CGN: variants seen among roughly 807,000 people sequenced by gnomAD.
The protein encoded by CGN is cingulin.
In CGN, 121 loss-of-function variants were observed where a neutral mutation model predicts 157.1. That is an observed-to-expected ratio of 0.77 (90% CI 0.66 to 0.90). The LOEUF (loss-of-function observed/expected upper bound fraction) is 0.90, where lower values mean the gene tolerates loss of function less well. Among genes scored for constraint, CGN ranks in the 40% least tolerant of loss-of-function variants. The pLI is 0.00. For synonymous variants in CGN, 535 were observed against 607.5 expected, an observed-to-expected ratio of 0.88 and a Z score of 1.76; for missense variants, 1,424 against 1,520.9, an observed-to-expected ratio of 0.94 and a Z score of 1.06.
chr1:151,531,775 C>T (rs924305177), intron 13 of CGN, among the ~76,000 whole-genome samples: 6 of 152,188 alleles, frequency 3.9e-5, no homozygotes, highest in African/African-American at 4.8e-5. Context: ...AGAGCAAACA[C>T]GTAATATGTT....
chr1:151,527,818 C>CACAT, intron 10 of CGN: 1 of 221,108 alleles, frequency 4.5e-6, no homozygotes, highest in Non-Finnish European at 8.9e-6. Flanking sequence ...TACACACACA[C>CACAT]ACACACACAC....
upstream of CGN, chr1:151,511,325 T>A (rs1379607927): frequency 6.5e-6 from 1 of 153,240 alleles, no homozygotes; most frequent in Non-Finnish European, 1.5e-5. The surrounding 1 kb of genome is among the most constrained non-coding windows in gnomAD (Gnocchi z 4.8). Context: ...GGGCGGGCAC[T>A]GACGGCCCGC....
intron 1 of CGN, among the ~76,000 whole-genome samples, chr1:151,518,134 A>G (rs1664452918): frequency 1.3e-5 from 2 of 152,222 alleles, no homozygotes; most frequent in Non-Finnish European, 1.5e-5. Flanking sequence ...GGTGTGAGCC[A>G]CTGCTCCTGG....
rs1169028188 is a variant in CGN at position 151,535,879 on chromosome 1, C to T, written c.3178C>T (p.Arg1060Trp). 4.2e-5 allele frequency: 67 copies of T among 1,613,046 alleles called. No homozygotes were observed. In the Admixed American group the frequency reaches 4.3e-4, roughly 10 times the overall value. Residue 1060 changes from arginine to tryptophan, a missense_variant, in exon 18 of 21, where the codon CGG (arginine) becomes TGG (tryptophan). By Grantham distance (101) the Arg-to-Trp change is moderately radical. Transcript: ENST00000271636. The stretch of plus-strand genomic sequence containing the variant: ...GTCCCAGAATCAGTTGTTGCAGGAG[C>T]GGCTACAGGCTGAAGAGAGGTGACA... ...LESQNQLLQE[R>W]LQAEEREKTV...
intron 3 of CGN, 48 bp from the exon 4 acceptor site, chr1:151,520,366 C>A (rs1210872939): frequency 6.3e-7 from 1 of 1,575,778 alleles, no homozygotes; most frequent in Non-Finnish European, 8.7e-7. Context: ...CTGATCTCTG[C>A]TACCTCTTTC....
At chr1:151,517,853 C>CTTTT (rs61184418) in intron 1 of CGN, among the ~76,000 whole-genome samples, 5 of 139,862 alleles carry the variant, frequency 3.6e-5, no homozygotes, top group Admixed American at 7.2e-5. Context: ...CAAGTAAAAT[C>CTTTT]TTTTTTTTTT....
chr1:151,535,125 G>A lies in CGN; in HGVS notation c.2988G>A (p.Arg996=), dbSNP rs1664931036. Residue 996 remains arginine, a synonymous_variant, in exon 16 of 21, where the codon CGG becomes CGA. Coordinates refer to ENST00000271636, the MANE Select transcript of CGN (RefSeq NM_020770.3). The part of the protein sequence containing the change: ...ELLTDRVNRG[R]DQVDQLRTEL... ...TAACAGATCGGGTGAATCGTGGCCG[G>A]GACCAGGTAACCGCCCCCACCCCTC... The A allele has an allele frequency of 6.2e-7, 1 of 1,613,384 alleles. No homozygotes were observed. The highest frequency in any genetic ancestry group is 2.2e-5 in the East Asian group (1 of 44,866).
upstream of CGN, among the ~76,000 whole-genome samples, chr1:151,510,726 T>C (rs146940840): frequency 5.0e-3 from 755 of 152,292 alleles, 4 homozygotes; most frequent in African/African-American, 0.015. Context: ...AGATCCTTGC[T>C]CTGGTGAAGC....
Position 151,512,401 on chromosome 1 carries a change from C to T in CGN, c.-15+886C>T, listed in dbSNP as rs1557984104. 2.0e-5 allele frequency among the ~76,000 whole-genome samples: 3 copies of T among 152,288 alleles called. No individual in the cohort carries two copies. In the East Asian group the frequency reaches 5.8e-4, roughly 29 times the overall value. ...GAGGTTTGGGAGCCCAACCAATTTCCTTGATGTCTGGAGGAATCCCCATTA... is the reference window on the plus strand; with the variant it reads ...GAGGTTTGGGAGCCCAACCAATTTCTTTGATGTCTGGAGGAATCCCCATTA... On this transcript the variant is annotated intron_variant, in intron 1 of 20. Transcript: ENST00000271636.
chr1:151,529,345 T>A lies in CGN; in HGVS notation c.1897-5T>A. ...TGCCCCATCACCATTCCCGTTTCCT[T>A]CCAGGAGCTGCTCCGGACACAGGAG... On this transcript the variant is annotated splice_region_variant and splice_polypyrimidine_tract_variant and intron_variant, in intron 10 of 20. Transcript: ENST00000271636. 1 of 1,612,614 alleles carries A rather than the reference T, an allele frequency of 6.2e-7. No individual in the cohort carries two copies. The highest frequency in any genetic ancestry group is 1.1e-5 in the South Asian group (1 of 91,044).
At chr1:151,523,605 G>C in intron 6 of CGN, 44 bp downstream of exon 6, 1 of 1,542,668 alleles carries the variant, frequency 6.5e-7, no homozygotes. Flanking sequence ...TGGGGGCCTA[G>C]GCCAGGTTTA....
chr1:151,529,597 TGAGGGTGTCTGGAGGGCTGAGGAGCCA>T, intron 11 of CGN, 38 bp downstream of exon 11: 1 of 1,569,210 alleles, frequency 6.4e-7, no homozygotes, highest in Non-Finnish European at 8.7e-7. Context: ...AGGTGGAGGC[TGAGGGTGTCTGGAGGGCTGAGGAGCCA>T]GAGGGTGTGG....
In CGN at chr1:151,520,412, A is replaced by G. The variant is rs1664515454; in HGVS notation, c.975-2A>G. 1 of 1,613,608 alleles carries G rather than the reference A, an allele frequency of 6.2e-7. No individual in the cohort carries two copies. Among genetic ancestry groups the G allele is most frequent in the East Asian group, 2.2e-5 (1 of 44,874 alleles). On this transcript the variant is annotated splice_acceptor_variant, in intron 3 of 20. Transcript: ENST00000271636. LOFTEE classifies it high-confidence loss of function. ...CCTTGCTTCTATCCTTTTATCCTCT[A>G]GAAGCTCAGAAAGTGAAACCTCTGT...
At position 151,524,853 on chromosome 1, in the gene CGN, G is replaced by C; in HGVS notation, c.1581G>C (p.Glu527Asp). The C allele has an allele frequency of 6.2e-7, 1 of 1,611,960 alleles. No individual in the cohort carries two copies. The highest frequency in any genetic ancestry group is 8.5e-7 in the Non-Finnish European group (1 of 1,179,916). ...HVRQQYQRDT[E>D]QLRRSMQDAT... Reference sequence around the variant, plus strand: ...GGCAGCAGTACCAGCGAGACACAGAGCAGCTCCGCAGGAGCATGCAAGATG... The same window carrying C: ...GGCAGCAGTACCAGCGAGACACAGACCAGCTCCGCAGGAGCATGCAAGATG... The change falls in exon 8 of 21, where the codon GAG becomes GAC. Residue 527 changes from glutamate to aspartate, a missense_variant. Coordinates refer to ENST00000271636, the MANE Select transcript of CGN (RefSeq NM_020770.3). This position sits in a 1 kb window ranked among gnomAD's most constrained non-coding sequence, Gnocchi z 4.4.
intron 10 of CGN, among the ~76,000 whole-genome samples, chr1:151,527,631 G>A (rs534254789): frequency 1.4e-4 from 21 of 151,966 alleles, no homozygotes; most frequent in Non-Finnish European, 2.6e-4. Flanking sequence ...CAGAGTATAT[G>A]GTATTACATT....
Position 151,528,487 on chromosome 1 carries a change from G to A in CGN, c.1897-863G>A, listed in dbSNP as rs572902133. On this transcript the variant is annotated intron_variant, in intron 10 of 20. Coordinates refer to ENST00000271636, the MANE Select transcript of CGN (RefSeq NM_020770.3). ...AGCTGGAGTGCAGTGGCACAATCTC[G>A]GCTCACTGCAACCTCTGCCTTCTGG... 6.8e-4 allele frequency among the ~76,000 whole-genome samples: 103 copies of A among 151,352 alleles called. 1 individual carries two copies. The highest frequency in any genetic ancestry group is 3.4e-3 in the Middle Eastern group (1 of 294).
intron 14 of CGN, among the ~76,000 whole-genome samples, chr1:151,533,531 T>A (rs1664884420): frequency 7.1e-6 from 1 of 140,956 alleles, no homozygotes; most frequent in African/African-American, 2.7e-5. Context: ...GCAGTGGCTC[T>A]TGCCTGTAAT....
intron 5 of CGN, among the ~76,000 whole-genome samples, chr1:151,522,396 G>A (rs1664562382): frequency 6.6e-6 from 1 of 152,136 alleles, no homozygotes; most frequent in Admixed American, 6.5e-5. Flanking sequence ...AGGCTGAGGT[G>A]GGTGGATCAC....
At chr1:151,532,602 G>T in intron 14 of CGN, 30 bp downstream of exon 14, 1 of 1,304,360 alleles carries the variant, frequency 7.7e-7, no homozygotes, top group East Asian at 2.9e-5. Flanking sequence ...GGGTTTGAAG[G>T]TCCTTGCCTC....
Sources: allele counts gnomAD v4.1 joint callset (sites outside exome capture counted in the v4.1 genomes callset), GRCh38; gene constraint gnomAD v4.1.1; non-coding constraint Gnocchi (gnomAD v3.1); transcripts MANE v1.5; gene names NCBI Gene and HGNC (gene_info 2026-07-23, HGNC 2026-07-21).